The following CRACR2A variants were observed in gnomAD, a reference collection of about 807,000 sequenced individuals.
The protein encoded by CRACR2A is EF-hand calcium-binding domain-containing protein 4B.
A neutral mutation model predicts 90.5 loss-of-function variants in CRACR2A; 79 were observed. That is an observed-to-expected ratio of 0.87 (90% CI 0.73 to 1.05). The LOEUF (loss-of-function observed/expected upper bound fraction) is 1.05. Among genes scored for constraint, CRACR2A ranks in the 50% least tolerant of loss-of-function variants. The pLI is 0.00. For synonymous variants in CRACR2A, 338 were observed against 356.7 expected, an observed-to-expected ratio of 0.95 and a Z score of 0.59; for missense variants, 823 against 897.2, an observed-to-expected ratio of 0.92 and a Z score of 1.06.
intron 8 of CRACR2A, among the ~76,000 whole-genome samples, chr12:3,658,340 G>C (rs1020882818): frequency 6.6e-6 from 1 of 152,104 alleles, no homozygotes; most frequent in African/African-American, 2.4e-5. Context: ...CAGCCTCTCT[G>C]TGCAGGATGT....
At chr12:3,707,405 T>C (rs534018090) in intron 3 of CRACR2A, among the ~76,000 whole-genome samples, 24 of 152,232 alleles carry the variant, frequency 1.6e-4, no homozygotes, top group Non-Finnish European at 2.6e-4. Context: ...GCCTTGATAA[T>C]GATTTGAGGT....
chr12:3,630,740 G>C (rs1944362896), intron 15 of CRACR2A, among the ~76,000 whole-genome samples: 1 of 152,216 alleles, frequency 6.6e-6, no homozygotes, highest in Non-Finnish European at 1.5e-5. Context: ...CTGCCTCCAG[G>C]ATGCCCGCAG....
At chr12:3,683,256 C>T (rs191948696) in intron 4 of CRACR2A, among the ~76,000 whole-genome samples, 2 of 152,326 alleles carry the variant, frequency 1.3e-5, no homozygotes, top group Admixed American at 1.3e-4. Flanking sequence ...AATAGTTCTC[C>T]AGGGCATTCA....
intron 12 of CRACR2A, among the ~76,000 whole-genome samples, chr12:3,643,919 A>T (rs1412828549): frequency 1.7e-5 from 2 of 115,350 alleles, no homozygotes; most frequent in South Asian, 2.4e-4. Flanking sequence ...TATTTATATT[A>T]TATATATATA....
At chr12:3,680,203 T>C in intron 5 of CRACR2A, 35 bp downstream of exon 5, 1 of 1,567,968 alleles carries the variant, frequency 6.4e-7, no homozygotes, top group Non-Finnish European at 8.8e-7. Flanking sequence ...GGTAGACCCA[T>C]AACCCTGAGG....
At chr12:3,652,590 A>C (rs1194881975) in intron 10 of CRACR2A, among the ~76,000 whole-genome samples, 1 of 152,196 alleles carries the variant, frequency 6.6e-6, no homozygotes, top group Non-Finnish European at 1.5e-5. Flanking sequence ...CCAGCAGAGC[A>C]GTTTTATTTA....
At chr12:3,742,071 G>A (rs1946535225) in intron 1 of CRACR2A, among the ~76,000 whole-genome samples, 1 of 152,206 alleles carries the variant, frequency 6.6e-6, no homozygotes, top group African/African-American at 2.4e-5. Flanking sequence ...CACATCTGAG[G>A]TTAGGACAGG....
intron 2 of CRACR2A, chr12:3,729,665 T>A (rs183753702): frequency 1.6e-4 from 24 of 152,374 alleles, no homozygotes; most frequent in Admixed American, 1.4e-3. Flanking sequence ...ATTGCATCAC[T>A]GCATTCCAGC....
In CRACR2A at chr12:3,652,606, A is replaced by G. The variant is rs1172167548; in HGVS notation, c.1046+1606T>C. Among the ~76,000 whole-genome samples the G allele has an allele frequency of 3.9e-5, 6 of 152,268 alleles. No homozygotes were observed. In the East Asian group the frequency reaches 9.7e-4, roughly 25 times the overall value. On this transcript the variant is annotated intron_variant, in intron 10 of 19. Coordinates refer to ENST00000440314, the MANE Select transcript of CRACR2A (RefSeq NM_001144958.2). ...CAGCAGAGCAGTTTTATTTAGGCCT[A>G]TGGACCAAAATCCTGCCAGCAGTCA...
chr12:3,654,848 A>G (rs1944869111), intron 9 of CRACR2A, among the ~76,000 whole-genome samples: 1 of 152,198 alleles, frequency 6.6e-6, no homozygotes, highest in Non-Finnish European at 1.5e-5. Context: ...CTGATAGCAA[A>G]TCTATATATT....
chr12:3,654,523 C>T (rs754079987), intron 9 of CRACR2A, 124 bp from the exon 10 acceptor site: 13 of 899,172 alleles, frequency 1.4e-5, no homozygotes, highest in Non-Finnish European at 2.0e-5. Context: ...CCCTCACTGG[C>T]CTCAAGCCTA....
intron 1 of CRACR2A, among the ~76,000 whole-genome samples, chr12:3,733,638 G>A (rs1946395826): frequency 6.6e-6 from 1 of 152,098 alleles, no homozygotes; most frequent in South Asian, 2.1e-4. Flanking sequence ...CTGAATCCGG[G>A]CCCTTGATGA....
intron 4 of CRACR2A, among the ~76,000 whole-genome samples, chr12:3,680,556 A>C (rs1481551419): frequency 4.6e-5 from 7 of 152,236 alleles, no homozygotes; most frequent in African/African-American, 1.4e-4. Flanking sequence ...GTGCCTACGA[A>C]TGTACTAGGC....
At chr12:3,741,092 C>A (rs1422955609) in intron 1 of CRACR2A, among the ~76,000 whole-genome samples, 2 of 152,232 alleles carry the variant, frequency 1.3e-5, no homozygotes, top group Non-Finnish European at 2.9e-5. Flanking sequence ...GCAGGACACA[C>A]CCAGAATGAC....
chr12:3,668,552 G>T (rs1945186220), intron 7 of CRACR2A, among the ~76,000 whole-genome samples: 1 of 152,216 alleles, frequency 6.6e-6, no homozygotes, highest in South Asian at 2.1e-4. Context: ...AGGACCACCT[G>T]CCAGGAATAT....
At chr12:3,640,608 T>A in intron 13 of CRACR2A, 1 of 1,302,742 alleles carries the variant, frequency 7.7e-7, no homozygotes, top group Non-Finnish European at 1.0e-6. Flanking sequence ...TATTCAGCTA[T>A]TTAGAACAAG....
At chr12:3,700,374 A>G (rs975327262) in intron 3 of CRACR2A, among the ~76,000 whole-genome samples, 2 of 152,220 alleles carry the variant, frequency 1.3e-5, no homozygotes, top group Non-Finnish European at 2.9e-5. Context: ...CTGTCTTATT[A>G]TCTAAAGAGT....
intron 7 of CRACR2A, among the ~76,000 whole-genome samples, chr12:3,663,453 A>T (rs973745758): frequency 6.6e-6 from 1 of 152,166 alleles, no homozygotes; most frequent in African/African-American, 2.4e-5. Flanking sequence ...GGCTCACAGA[A>T]ATCTGTCTTT....
intron 10 of CRACR2A, among the ~76,000 whole-genome samples, chr12:3,653,810 C>A (rs1449205735): frequency 6.6e-6 from 1 of 152,204 alleles, no homozygotes; most frequent in East Asian, 1.9e-4. Context: ...TCTACACGAC[C>A]ACAGTCACTT....
Sources: allele counts gnomAD v4.1 joint callset (sites outside exome capture counted in the v4.1 genomes callset), GRCh38; gene constraint gnomAD v4.1.1; transcripts MANE v1.5; gene names NCBI Gene and HGNC (gene_info 2026-07-23, HGNC 2026-07-21).